Variants in CADM2 observed in about 807,000 individuals in gnomAD.
CADM2 encodes the protein immunoglobulin superfamily member 4D.
Under a neutral mutation model 49.8 loss-of-function variants are expected in CADM2, and 12 were observed. That is an observed-to-expected ratio of 0.24 (90% CI 0.15 to 0.39). CADM2 has a LOEUF of 0.39. Ranked by LOEUF, CADM2 falls within the 10% of genes least tolerant of loss-of-function variation. The pLI is 1.00. For missense variants in CADM2, 378 were observed against 492.3 expected (o/e 0.77, Z 2.20); for synonymous variants, 214 against 175.4 (o/e 1.22, Z -1.74).
At chr3:85,315,885 A>T (rs1016955171) in intron 1 of CADM2, among the ~76,000 whole-genome samples, 3 of 152,122 alleles carry the variant, frequency 2.0e-5, no homozygotes, top group Non-Finnish European at 4.4e-5. Flanking sequence ...GAAGATAATT[A>T]TATATATATT....
At chr3:85,813,317 T>C (rs1330144657) in intron 3 of CADM2, among the ~76,000 whole-genome samples, 6 of 152,220 alleles carry the variant, frequency 3.9e-5, no homozygotes, top group Admixed American at 3.3e-4. Flanking sequence ...TAAGCTTTTT[T>C]TCATGTTTGT....
intron 1 of CADM2, among the ~76,000 whole-genome samples, chr3:85,088,376 T>C (rs566491020): frequency 1.6e-4 from 24 of 152,292 alleles, no homozygotes; most frequent in African/African-American, 5.8e-4. Context: ...CATTGCATTT[T>C]GGTGTGATAA....
At chr3:85,895,007 C>G (rs1715026609) in intron 5 of CADM2, among the ~76,000 whole-genome samples, 1 of 152,184 alleles carries the variant, frequency 6.6e-6, no homozygotes, top group African/African-American at 2.4e-5. Context: ...TCATAACCCC[C>G]ACAGAGAGTC....
intron 1 of CADM2, among the ~76,000 whole-genome samples, chr3:85,175,628 G>GT (rs954007485): frequency 1.6e-4 from 24 of 152,104 alleles, no homozygotes; most frequent in African/African-American, 5.8e-4. Flanking sequence ...TGAGTTAAGA[G>GT]TTTAAGTTTG....
intron 6 of CADM2, among the ~76,000 whole-genome samples, chr3:85,917,483 T>C (rs963646844): frequency 7.9e-5 from 12 of 152,162 alleles, no homozygotes; most frequent in Non-Finnish European, 1.6e-4. Context: ...GTTGTAGATA[T>C]GCAGCATTAT....
intron 1 of CADM2, among the ~76,000 whole-genome samples, chr3:85,015,155 G>C (rs545174424): frequency 4.4e-4 from 67 of 151,786 alleles, no homozygotes; most frequent in Non-Finnish European, 7.7e-4. Context: ...GTATATATGG[G>C]TATGTGTATA....
Position 85,659,372 on chromosome 3 carries a change from T to A in CADM2, c.62-67150T>A, listed in dbSNP as rs144227841. 8.5e-3 allele frequency among the ~76,000 whole-genome samples: 1,291 copies of A among 152,134 alleles called. 17 individuals are homozygous for A. The highest frequency in any genetic ancestry group is 0.03 in the African/African-American group (1,246 of 41,532). On this transcript the variant is annotated intron_variant, in intron 1 of 9. Coordinates refer to ENST00000383699, the MANE Select transcript of CADM2 (RefSeq NM_001167675.2). ...AAAACTTGAAGATGCAGACTTTGTG[T>A]TAGTCATCTTTTTATCCCTTATATC...
intron 1 of CADM2, among the ~76,000 whole-genome samples, chr3:85,353,168 A>C (rs900250783): frequency 1.3e-5 from 2 of 152,130 alleles, no homozygotes; most frequent in East Asian, 3.9e-4. Context: ...GAGAAAAGGA[A>C]TATGTCATTG....
intron 2 of CADM2, among the ~76,000 whole-genome samples, chr3:85,797,819 C>A (rs934140308): frequency 6.6e-6 from 1 of 152,104 alleles, no homozygotes; most frequent in Non-Finnish European, 1.5e-5. Flanking sequence ...GTTCTAGATC[C>A]TTGAGGAATT....
At position 85,611,425 on chromosome 3, in the gene CADM2, A is replaced by G. The variant is rs537888150; in HGVS notation, c.62-115097A>G. Among the ~76,000 whole-genome samples the G allele has an allele frequency of 2.4e-4, 36 of 152,012 alleles. 1 individual carries two copies. The highest frequency in any genetic ancestry group is 7.5e-4 in the African/African-American group (31 of 41,538). ...CGAAATTTTCAATTTATCTTGGGTT[A>G]GTTGAGCACCTGTTTTAAAATAAAA... is the stretch of plus-strand genomic sequence containing the variant. On this transcript the variant is annotated intron_variant, in intron 1 of 9. Coordinates refer to ENST00000383699, the MANE Select transcript of CADM2 (RefSeq NM_001167675.2).
chr3:85,195,243 T>G (rs2041313049), intron 1 of CADM2, among the ~76,000 whole-genome samples: 1 of 152,142 alleles, frequency 6.6e-6, no homozygotes, highest in Admixed American at 6.6e-5. Flanking sequence ...TGATGTTATA[T>G]AAGTTATTTA....
chr3:85,530,112 C>A (rs1380451501), intron 1 of CADM2, among the ~76,000 whole-genome samples: 1 of 152,010 alleles, frequency 6.6e-6, no homozygotes, highest in East Asian at 1.9e-4. Flanking sequence ...GCCCCCCATA[C>A]TGTTCTCATG....
chr3:86,021,054 C>T (rs923092697), intron 8 of CADM2, among the ~76,000 whole-genome samples: 2 of 152,120 alleles, frequency 1.3e-5, no homozygotes, highest in Non-Finnish European at 2.9e-5. Flanking sequence ...GGCTGGAGTG[C>T]GGTGACGAGA....
intron 1 of CADM2, among the ~76,000 whole-genome samples, chr3:85,211,918 CTT>C (rs1184898611): frequency 1.3e-5 from 2 of 152,066 alleles, no homozygotes; most frequent in Admixed American, 6.5e-5. Flanking sequence ...CTGTCCCTCT[CTT>C]ATCTCAAATA....
At chr3:85,662,233 GTT>G (rs5850709) in intron 1 of CADM2, among the ~76,000 whole-genome samples, 7 of 137,240 alleles carry the variant, frequency 5.1e-5, no homozygotes, top group East Asian at 2.1e-4. Flanking sequence ...GTATAGGTGG[GTT>G]TTTTTTTTTT....
chr3:85,692,170 T>C (rs2066409672), intron 1 of CADM2, among the ~76,000 whole-genome samples: 1 of 152,166 alleles, frequency 6.6e-6, no homozygotes, highest in South Asian at 2.1e-4. Context: ...GCCTCTCTCC[T>C]GAGAAAGTAC....
At chr3:85,246,675 C>T (rs1225250234) in intron 1 of CADM2, among the ~76,000 whole-genome samples, 1 of 151,490 alleles carries the variant, frequency 6.6e-6, no homozygotes, top group Non-Finnish European at 1.5e-5. Context: ...ATTTCTAGTA[C>T]ATAGATTTCA....
intron 1 of CADM2, among the ~76,000 whole-genome samples, chr3:85,204,936 GTAAT>G (rs1260284449): frequency 6.6e-6 from 1 of 151,398 alleles, no homozygotes; most frequent in Non-Finnish European, 1.5e-5. Context: ...AAATTATTAT[GTAAT>G]TAATAATGAA....
At chr3:85,993,509 G>C (rs765683223) in intron 8 of CADM2, 1 of 152,132 alleles carries the variant, frequency 6.6e-6, no homozygotes, top group East Asian at 1.9e-4. Flanking sequence ...ACAAATGATC[G>C]TAATGACATC....
Sources: allele counts gnomAD v4.1 joint callset (sites outside exome capture counted in the v4.1 genomes callset), GRCh38; gene constraint gnomAD v4.1.1; transcripts MANE v1.5; gene names NCBI Gene and HGNC (gene_info 2026-07-23, HGNC 2026-07-21).